URAD: variants seen among roughly 807,000 people sequenced by gnomAD.
URAD encodes the protein ureidoimidazoline (2-oxo-4-hydroxy-4-carboxy-5-) decarboxylase.
URAD carries 4 observed loss-of-function variants against 4.6 expected under a neutral mutation model. That is an observed-to-expected ratio of 0.87 (90% confidence interval 0.43 to 1.98). The LOEUF (loss-of-function observed/expected upper bound fraction) is 1.98. Ranked by LOEUF, URAD falls within the 30% of genes most tolerant of loss-of-function variation. URAD has a pLI of 0.03. For missense variants in URAD, 300 were observed against 255.3 expected, an observed-to-expected ratio of 1.18 and a Z score of -1.19; for synonymous variants, 144 against 118.2, an observed-to-expected ratio of 1.22 and a Z score of -1.41.
At position 27,978,389 on chromosome 13, in the gene URAD, AGCGT is replaced by A. The variant is rs1869778999; in HGVS notation, c.235_238del (p.Thr79SerfsTer14). On this transcript the variant is annotated frameshift_variant, in exon 2 of 2. Coordinates refer to ENST00000332715, the MANE Select transcript of URAD (RefSeq NM_001105577.2). LOFTEE classifies it low-confidence loss of function (END_TRUNC). ...CTGTTCCCGCTGCGACTCGGCCGTG[AGCGT>A]GCCCCGCTGCAGCTCGCTGCCCGCC... 19 of 1,400,640 alleles carry A rather than the reference AGCGT, an allele frequency of 1.4e-5. No individual in the cohort carries two copies. The highest frequency in any genetic ancestry group is 1.7e-5 in the Non-Finnish European group (18 of 1,083,078). The allele number at this position is 1,400,640 out of a possible 1,614,324, so 86.8% of individuals were successfully genotyped here. A position where few individuals can be genotyped will look rare whatever the true frequency, so the allele number is the denominator to read the frequency against.
chr13:27,980,732 C>T (rs1415881908), intron 1 of URAD, among the ~76,000 whole-genome samples: 3 of 152,158 alleles, frequency 2.0e-5, no homozygotes, highest in Non-Finnish European at 4.4e-5. Context: ...CCGCGCAGGC[C>T]GCGCAGCAGA....
intron 1 of URAD, among the ~76,000 whole-genome samples, chr13:27,980,002 G>A (rs1024006096): frequency 1.3e-5 from 2 of 152,222 alleles, no homozygotes. Flanking sequence ...GCCCCTGCAA[G>A]GTTAAGGAAA....
chr13:27,982,148 C>T (rs760744589), intron 1 of URAD, among the ~76,000 whole-genome samples: 4 of 152,062 alleles, frequency 2.6e-5, no homozygotes, highest in South Asian at 4.1e-4. Flanking sequence ...TGACTATAAA[C>T]GGCCGGGCAC....
At chr13:27,985,801 C>T (rs943020793) in intron 1 of URAD, among the ~76,000 whole-genome samples, 9 of 152,116 alleles carry the variant, frequency 5.9e-5, no homozygotes, top group Non-Finnish European at 1.3e-4. Context: ...CCTCAGTTTT[C>T]CCATCGGTAA....
At chr13:27,985,315 G>C (rs4399414) in intron 1 of URAD, among the ~76,000 whole-genome samples, 138,876 of 151,828 alleles carry the variant, frequency 0.91, 64,731 homozygotes, top group East Asian at 1. Flanking sequence ...AAAATTAGCT[G>C]GGCATGGTGG....
At chr13:27,980,663 G>A (rs569909629) in intron 1 of URAD, among the ~76,000 whole-genome samples, 1 of 152,322 alleles carries the variant, frequency 6.6e-6, no homozygotes, top group South Asian at 2.1e-4. Flanking sequence ...CGAGGGAGGT[G>A]GTCACTGGTG....
At chr13:27,978,473 C>T (rs1593189785) in intron 1 of URAD, 21 bp from the exon 2 acceptor site, 1 of 1,305,270 alleles carries the variant, frequency 7.7e-7, no homozygotes, top group Non-Finnish European at 9.7e-7. Flanking sequence ...GCACAGACAC[C>T]GGCGGGAGCG....
intron 1 of URAD, among the ~76,000 whole-genome samples, chr13:27,982,803 GACT>G (rs1171962544): frequency 6.6e-6 from 1 of 152,110 alleles, no homozygotes; most frequent in African/African-American, 2.4e-5. Context: ...CAGTGGCTCA[GACT>G]GAAAACTTAG....
chr13:27,985,390 T>C (rs573997848), intron 1 of URAD, among the ~76,000 whole-genome samples: 1 of 151,852 alleles, frequency 6.6e-6, no homozygotes, highest in South Asian at 2.1e-4. Flanking sequence ...CCCGGGAGGG[T>C]GAGGATGCAG....
rs531903065 is a variant in URAD at position 27,979,829 on chromosome 13, G to C, written c.176-1377C>G. ...ATTGATAGTGCACCATCTAACTCAT[G>C]AACTAATTTCTCCCTGAAAGACACG... is the stretch of plus-strand genomic sequence containing the variant. On this transcript the variant is annotated intron_variant, in intron 1 of 1. Transcript: ENST00000332715. Among the ~76,000 whole-genome samples, 25 of 152,282 alleles carry C rather than the reference G, an allele frequency of 1.6e-4. No individual in the cohort carries two copies. In the South Asian group the frequency reaches 4.4e-3, roughly 27 times the overall value.
Position 27,978,000 on chromosome 13 carries a change from G to T in URAD, c.*106C>A. ...TCCACTTCCTTTGTGCACGTGTGTG[G>T]ACGCTGTTCCAGGCCCGAGTCCGCC... On this transcript the variant is annotated 3_prime_UTR_variant, in exon 2 of 2. Transcript: ENST00000332715. 1.1e-6 allele frequency: 1 copy of T among 926,468 alleles called. No homozygotes were observed. Among genetic ancestry groups the T allele is most frequent in the African/African-American group, 1.8e-5 (1 of 56,850 alleles). The allele number at this position is 926,468 out of a possible 1,614,324, so 57.4% of individuals were successfully genotyped here. A position where few individuals can be genotyped will look rare whatever the true frequency, so the allele number is the denominator to read the frequency against.
chr13:27,988,350 C>T (rs1870096649), intron 1 of URAD, 113 bp downstream of exon 1: 1 of 1,094,100 alleles, frequency 9.1e-7, no homozygotes, highest in East Asian at 2.6e-5. Flanking sequence ...TCTCAGCCTC[C>T]CAAAGTGCTG....
chr13:27,988,159 A>G (rs932185796), intron 1 of URAD, among the ~76,000 whole-genome samples: 3 of 152,228 alleles, frequency 2.0e-5, no homozygotes, highest in African/African-American at 7.2e-5. Context: ...GGGTTTCACC[A>G]TGTTGGCCAG....
chr13:27,978,916 A>C (rs1340187107), intron 1 of URAD, among the ~76,000 whole-genome samples: 1 of 151,970 alleles, frequency 6.6e-6, no homozygotes, highest in Non-Finnish European at 1.5e-5. Context: ...GGCCGGACGC[A>C]AGGGCCTGAA....
intron 1 of URAD, among the ~76,000 whole-genome samples, chr13:27,979,732 C>A (rs1869820564): frequency 6.6e-6 from 1 of 152,164 alleles, no homozygotes; most frequent in Non-Finnish European, 1.5e-5. Flanking sequence ...CTCAAAGAAG[C>A]TGAAAATTAA....
At chr13:27,978,611 G>T (rs1188959898) in intron 1 of URAD, among the ~76,000 whole-genome samples, 159 bp from the exon 2 acceptor site, 1 of 152,222 alleles carries the variant, frequency 6.6e-6, no homozygotes, top group East Asian at 1.9e-4. Flanking sequence ...GTACCCAGGC[G>T]GTGATGTCCT....
In URAD at chr13:27,978,219, G is replaced by A. The variant is rs1359800052; in HGVS notation, c.409C>T (p.Arg137Cys). The A allele has an allele frequency of 1.4e-6, 2 of 1,471,180 alleles. No individual in the cohort carries two copies. The highest frequency in any genetic ancestry group is 1.8e-6 in the Non-Finnish European group (2 of 1,121,674). 91.1% of individuals were successfully genotyped at this position (1,471,180 alleles called of 1,614,324 possible). ...TGCGCGGACGGGCAGAGCAGCCGGCGCGCCAGCTCGCGCGGCACCGCCGTC... is the reference window on the plus strand; with the variant it reads ...TGCGCGGACGGGCAGAGCAGCCGGCACGCCAGCTCGCGCGGCACCGCCGTC... ...DRTAVPRELA[R>C]RLLCPSAQEL... The change falls in exon 2 of 2, where the codon CGC (arginine) becomes TGC (cysteine). Residue 137 changes from arginine to cysteine, a missense_variant. Arg to Cys is a radical substitution (Grantham distance 180). Coordinates refer to ENST00000332715, the MANE Select transcript of URAD (RefSeq NM_001105577.2).
At chr13:27,983,003 C>T (rs932492452) in intron 1 of URAD, among the ~76,000 whole-genome samples, 2 of 152,168 alleles carry the variant, frequency 1.3e-5, no homozygotes, top group African/African-American at 4.8e-5. Flanking sequence ...CTCGACCTGG[C>T]CCCCTGCATC....
At chr13:27,979,482 C>T (rs893310601) in intron 1 of URAD, among the ~76,000 whole-genome samples, 21 of 152,230 alleles carry the variant, frequency 1.4e-4, no homozygotes, top group African/African-American at 5.1e-4. Context: ...TGACGCCTAA[C>T]TTGCTTTAGA....
Sources: gnomAD v4.1 joint callset for allele counts (sites outside exome capture counted in the v4.1 genomes callset) on GRCh38, gnomAD v4.1.1 for gene constraint, MANE v1.5 for transcripts, NCBI Gene and HGNC (gene_info 2026-07-23, HGNC 2026-07-21) for gene names.